The following RSRC1 variants were observed in gnomAD, a reference collection of about 807,000 sequenced individuals.
The protein encoded by RSRC1 is arginine and serine rich coiled-coil 1.
In RSRC1, 39 loss-of-function variants were observed where a neutral mutation model predicts 49.1. The ratio of observed to expected loss-of-function variants is 0.79; its 90% confidence interval spans 0.61 to 1.04. RSRC1 has a LOEUF of 1.04. Ranked by LOEUF, RSRC1 falls within the 50% of genes least tolerant of loss-of-function variation. The pLI, the probability that RSRC1 is intolerant of heterozygous loss-of-function variation, is 0.00. For missense variants in RSRC1, 388 were observed against 402.4 expected (o/e 0.96, Z 0.31); for synonymous variants, 143 against 130.8 (o/e 1.09, Z -0.63).
chr3:158,339,125 T>A (rs111433463), intron 5 of RSRC1, among the ~76,000 whole-genome samples: 8,440 of 151,914 alleles, frequency 0.056, 792 homozygotes, highest in African/African-American at 0.2. Context: ...ACCCCGTCTC[T>A]ACTAAAAATA....
chr3:158,241,704 A>C (rs1236844322), intron 4 of RSRC1, among the ~76,000 whole-genome samples: 1 of 152,056 alleles, frequency 6.6e-6, no homozygotes, highest in Non-Finnish European at 1.5e-5. Context: ...ATGAATGAAA[A>C]GGCTGCAGTA....
intron 6 of RSRC1, among the ~76,000 whole-genome samples, chr3:158,401,123 G>A (rs994018524): frequency 6.6e-6 from 1 of 152,018 alleles, no homozygotes; most frequent in Admixed American, 6.6e-5. Flanking sequence ...TAGATGTGTA[G>A]TAGGCTATAC....
chr3:158,260,428 T>G (rs1724824856), intron 4 of RSRC1, among the ~76,000 whole-genome samples: 1 of 152,066 alleles, frequency 6.6e-6, no homozygotes, highest in Admixed American at 6.6e-5. Context: ...CGAGTTGGTA[T>G]CCCAGTTGCA....
intron 3 of RSRC1, among the ~76,000 whole-genome samples, chr3:158,158,031 C>T (rs192642518): frequency 3.8e-4 from 58 of 152,186 alleles, no homozygotes; most frequent in African/African-American, 1.3e-3. Context: ...TTCTGACAGG[C>T]TCAAGCAAGC....
chr3:158,243,085 G>C (rs1039746686), intron 4 of RSRC1, among the ~76,000 whole-genome samples: 3 of 152,042 alleles, frequency 2.0e-5, no homozygotes, highest in African/African-American at 7.2e-5. Context: ...TGCTTTTGTT[G>C]CAATTGTTTT....
intron 6 of RSRC1, among the ~76,000 whole-genome samples, chr3:158,376,137 A>ATCCCTCCCTCCC (rs58871024): frequency 8.5e-4 from 75 of 88,610 alleles, no homozygotes; most frequent in African/African-American, 4.8e-3. Flanking sequence ...GAAAGAATAT[A>ATCCCTCCCTCCC]TCCCTCCCTC....
chr3:158,342,912 A>G (rs1730336364), intron 5 of RSRC1, among the ~76,000 whole-genome samples: 1 of 152,226 alleles, frequency 6.6e-6, no homozygotes, highest in Admixed American at 6.5e-5. Flanking sequence ...AGATCATGCT[A>G]CAAAGAGGAG....
intron 3 of RSRC1, among the ~76,000 whole-genome samples, chr3:158,170,997 G>C (rs140482530): frequency 9.9e-5 from 15 of 152,098 alleles, no homozygotes; most frequent in South Asian, 6.2e-4. Flanking sequence ...CAGTGATCTG[G>C]GAAAAGTTGC....
chr3:158,439,537 C>CATCATTCTCAGGAAACT (rs1560043336), intron 6 of RSRC1, among the ~76,000 whole-genome samples: 1 of 152,050 alleles, frequency 6.6e-6, no homozygotes, highest in Non-Finnish European at 1.5e-5. Flanking sequence ...AGCTGGAAAC[C>CATCATTCTCAGGAAACT]ATCATTCTCA....
At chr3:158,377,356 TGGAGTTTG>T (rs1369007397) in intron 6 of RSRC1, among the ~76,000 whole-genome samples, 4 of 152,184 alleles carry the variant, frequency 2.6e-5, no homozygotes, top group Non-Finnish European at 5.9e-5. Context: ...TCCCCAATGT[TGGAGTTTG>T]GGCCTAGCAG....
At chr3:158,159,201 T>G (rs1322036442) in intron 3 of RSRC1, among the ~76,000 whole-genome samples, 2 of 152,060 alleles carry the variant, frequency 1.3e-5, no homozygotes, top group African/African-American at 4.8e-5. Context: ...AGGATTCATG[T>G]GGGGTAAAAG....
chr3:158,163,618 G>A (rs989072747), intron 3 of RSRC1, among the ~76,000 whole-genome samples: 1 of 152,052 alleles, frequency 6.6e-6, no homozygotes, highest in South Asian at 2.1e-4. Flanking sequence ...GGGTGAAGAT[G>A]TTTTCTTTCA....
chr3:158,524,296 C>A (rs1351447905), intron 7 of RSRC1, among the ~76,000 whole-genome samples: 1 of 152,018 alleles, frequency 6.6e-6, no homozygotes, highest in Non-Finnish European at 1.5e-5. Context: ...AATTAGGGCA[C>A]AATTAAGATG....
intron 7 of RSRC1, among the ~76,000 whole-genome samples, chr3:158,465,750 T>C (rs185039786): frequency 2.2e-4 from 33 of 152,338 alleles, no homozygotes; most frequent in African/African-American, 7.9e-4. Flanking sequence ...TTAAGAAATT[T>C]GTGTTTCCTG....
intron 5 of RSRC1, among the ~76,000 whole-genome samples, chr3:158,301,991 G>T (rs982405530): frequency 1.5e-4 from 22 of 142,780 alleles, no homozygotes; most frequent in South Asian, 4.5e-4. Flanking sequence ...GGGTTTTTTT[G>T]TTTTTTTTTT....
At chr3:158,514,816 A>G (rs1439687041) in intron 7 of RSRC1, among the ~76,000 whole-genome samples, 5 of 152,228 alleles carry the variant, frequency 3.3e-5, no homozygotes, top group South Asian at 4.1e-4. Context: ...TTGGGTGCAT[A>G]TATAATTAAG....
chr3:158,287,668 C>T (rs1218440087), intron 4 of RSRC1, among the ~76,000 whole-genome samples: 1 of 151,966 alleles, frequency 6.6e-6, no homozygotes, highest in East Asian at 1.9e-4. Context: ...AAGCTATTTA[C>T]AATATATAGT....
intron 4 of RSRC1, among the ~76,000 whole-genome samples, chr3:158,240,090 A>T (rs1723483033): frequency 6.6e-6 from 1 of 152,136 alleles, no homozygotes; most frequent in Non-Finnish European, 1.5e-5. Context: ...TTTATTTATG[A>T]GTTTTAAAAT....
chr3:158,217,763 T>TGGG (rs776331138), intron 4 of RSRC1, among the ~76,000 whole-genome samples: 76 of 116,102 alleles, frequency 6.5e-4, no homozygotes, highest in African/African-American at 6.8e-4. Context: ...TGTGTGTGTG[T>TGGG]GTGGGGGGGG....
Sources: allele counts gnomAD v4.1 joint callset (sites outside exome capture counted in the v4.1 genomes callset), GRCh38; gene constraint gnomAD v4.1.1; transcripts MANE v1.5; gene names NCBI Gene and HGNC (gene_info 2026-07-23, HGNC 2026-07-21).